TMIGD3: variants seen among roughly 807,000 people sequenced by gnomAD.
TMIGD3 encodes the protein AD026 protein (AD026).
In TMIGD3, 21 loss-of-function variants were observed where a neutral mutation model predicts 28.1. The ratio of observed to expected loss-of-function variants is 0.75; its 90% CI spans 0.53 to 1.08. The LOEUF (loss-of-function observed/expected upper bound fraction) is 1.08, where lower values mean the gene tolerates loss of function less well. Among genes scored for constraint, TMIGD3 ranks in the 50% least tolerant of loss-of-function variants. TMIGD3 has a pLI of 0.00. For missense variants in TMIGD3, 416 were observed against 435.6 expected (o/e 0.96, Z 0.40); for synonymous variants, 151 against 162.1 (o/e 0.93, Z 0.52).
chr1:111,485,726 C>CAAAAAA lies in TMIGD3; in HGVS notation c.973+13_973+14insTTTTTT. 7 of 850,628 alleles carry CAAAAAA rather than the reference C, an allele frequency of 8.2e-6. No homozygotes were observed. Among genetic ancestry groups the CAAAAAA allele is most frequent in the Non-Finnish European group, 1.3e-5 (7 of 522,882 alleles). 52.7% of individuals were successfully genotyped at this position (850,628 alleles called of 1,614,324 possible). A position where few individuals can be genotyped will look rare whatever the true frequency, so the allele number is the denominator to read the frequency against. ...AATTCTTGCCCACCCCCTCCCTCAACAATAGCTACTTACCCCTTCTATTCC... is the reference window on the plus strand; with the variant it reads ...AATTCTTGCCCACCCCCTCCCTCAACAAAAAAAATAGCTACTTACCCCTTCTATTCC... On this transcript the variant is annotated intron_variant, in intron 5 of 5. Coordinates refer to ENST00000369716, the MANE Select transcript of TMIGD3 (RefSeq NM_020683.7).
At chr1:111,561,362 G>A (rs1438177534) in intron 1 of TMIGD3, among the ~76,000 whole-genome samples, 3 of 152,158 alleles carry the variant, frequency 2.0e-5, no homozygotes, top group Admixed American at 6.5e-5. Context: ...GGGCTCAAGC[G>A]ATCCGCTTGT....
chr1:111,527,304 G>A (rs546728988), intron 1 of TMIGD3, among the ~76,000 whole-genome samples: 53 of 152,196 alleles, frequency 3.5e-4, no homozygotes, highest in African/African-American at 1.1e-3. Flanking sequence ...GAGCCACCGC[G>A]CCTGACCCTC....
upstream of TMIGD3, among the ~76,000 whole-genome samples, chr1:111,505,964 T>A (rs1239894904): frequency 3.3e-5 from 5 of 152,192 alleles, no homozygotes; most frequent in Non-Finnish European, 5.9e-5. Flanking sequence ...GAGCAACTCG[T>A]GGCTCAGAGT....
chr1:111,487,556 TG>T (rs1411258499), intron 3 of TMIGD3, among the ~76,000 whole-genome samples: 2 of 151,748 alleles, frequency 1.3e-5, no homozygotes, highest in Non-Finnish European at 2.9e-5. Flanking sequence ...ATAAGTCCTC[TG>T]TCTGAGAGAC....
chr1:111,486,086 A>G (rs1197695534), intron 4 of TMIGD3, among the ~76,000 whole-genome samples: 2 of 152,192 alleles, frequency 1.3e-5, no homozygotes, highest in African/African-American at 4.8e-5. Flanking sequence ...GATTGGGAAT[A>G]GGAGAATCCA....
chr1:111,557,192 G>A (rs1657529347), intron 1 of TMIGD3, among the ~76,000 whole-genome samples: 1 of 152,100 alleles, frequency 6.6e-6, no homozygotes, highest in African/African-American at 2.4e-5. Flanking sequence ...AGATGGAAAA[G>A]CATCATTTCT....
intron 1 of TMIGD3, among the ~76,000 whole-genome samples, chr1:111,510,397 T>C (rs1655650506): frequency 1.3e-5 from 2 of 152,080 alleles, no homozygotes; most frequent in Non-Finnish European, 2.9e-5. Context: ...AAATACTATC[T>C]GTTGCTATGT....
chr1:111,548,417 T>C (rs1421578210), intron 1 of TMIGD3, among the ~76,000 whole-genome samples: 8 of 152,252 alleles, frequency 5.3e-5, no homozygotes, highest in Non-Finnish European at 1.2e-4. Context: ...GTTATAATCC[T>C]TTAAAGAAAT....
At chr1:111,506,783 G>A (rs76550157), upstream of TMIGD3, among the ~76,000 whole-genome samples, 14,710 of 151,880 alleles carry the variant, frequency 0.097, 734 homozygotes, top group East Asian at 0.19. Context: ...CAGGACCAGA[G>A]AGATGACTGC....
intron 1 of TMIGD3, among the ~76,000 whole-genome samples, chr1:111,528,583 T>C (rs1656347969): frequency 6.6e-6 from 1 of 152,134 alleles, no homozygotes; most frequent in Non-Finnish European, 1.5e-5. Context: ...ATAGATATAG[T>C]TTCAGAACTA....
intron 1 of TMIGD3, among the ~76,000 whole-genome samples, chr1:111,533,972 C>T (rs1208926950): frequency 5.9e-5 from 9 of 152,060 alleles, no homozygotes; most frequent in Non-Finnish European, 2.9e-5. Flanking sequence ...CTCTATATGT[C>T]GGTTTCTTCA....
At chr1:111,538,199 G>A (rs1305513180) in intron 1 of TMIGD3, among the ~76,000 whole-genome samples, 1 of 152,118 alleles carries the variant, frequency 6.6e-6, no homozygotes, top group Non-Finnish European at 1.5e-5. Context: ...TCTGGAATTG[G>A]ATCTCATATC....
chr1:111,513,821 C>T (rs1484535713), intron 1 of TMIGD3, among the ~76,000 whole-genome samples: 2 of 152,180 alleles, frequency 1.3e-5, no homozygotes, highest in Non-Finnish European at 2.9e-5. Flanking sequence ...GCCAATAATG[C>T]TAGCTGTTGT....
At chr1:111,554,995 T>G (rs1402019965) in intron 1 of TMIGD3, among the ~76,000 whole-genome samples, 1 of 151,420 alleles carries the variant, frequency 6.6e-6, no homozygotes. Context: ...CTACAGAATA[T>G]TTTTTAAGTA....
At chr1:111,546,281 C>G (rs1487577953) in intron 1 of TMIGD3, among the ~76,000 whole-genome samples, 1 of 152,060 alleles carries the variant, frequency 6.6e-6, no homozygotes, top group African/African-American at 2.4e-5. Context: ...ACCATTTTAA[C>G]TATTTTAAGT....
intron 1 of TMIGD3, among the ~76,000 whole-genome samples, chr1:111,552,500 G>A (rs1001970262): frequency 2.8e-4 from 42 of 152,244 alleles, no homozygotes; most frequent in Admixed American, 1.8e-3. Context: ...CTTTTATGTT[G>A]GAGTTCATTT....
upstream of TMIGD3, among the ~76,000 whole-genome samples, chr1:111,504,321 C>G (rs896254343): frequency 6.6e-6 from 1 of 152,280 alleles, no homozygotes; most frequent in East Asian, 1.9e-4. Flanking sequence ...ACCAGACATA[C>G]AGAAAGAAGG....
chr1:111,489,047 G>C, intron 2 of TMIGD3, 23 bp from the exon 3 acceptor site: 2 of 1,498,054 alleles, frequency 1.3e-6, no homozygotes, highest in Non-Finnish European at 1.8e-6. Context: ...ACACACACAC[G>C]CACACGTGCA....
At chr1:111,491,086 G>C (rs543930027) in intron 1 of TMIGD3, among the ~76,000 whole-genome samples, 96 of 152,364 alleles carry the variant, frequency 6.3e-4, no homozygotes, top group Non-Finnish European at 1.1e-3. Flanking sequence ...GGCATCATCA[G>C]AGGCCACTCC....
Sources: gnomAD v4.1 joint callset for allele counts (sites outside exome capture counted in the v4.1 genomes callset) on GRCh38, gnomAD v4.1.1 for gene constraint, MANE v1.5 for transcripts, NCBI Gene and HGNC (gene_info 2026-07-23, HGNC 2026-07-21) for gene names.